Variants in SMTNL1 observed in about 807,000 individuals in gnomAD.
SMTNL1 encodes the protein smoothelin like 1, also known as smoothelin-like protein 1.
A neutral mutation model predicts 46.6 loss-of-function variants in SMTNL1; 41 were observed. The ratio of observed to expected loss-of-function variants is 0.88; its 90% confidence interval spans 0.69 to 1.14. The LOEUF (loss-of-function observed/expected upper bound fraction) is 1.14. Among genes scored for constraint, SMTNL1 ranks in the 50% most tolerant of loss-of-function variants. The probability of loss-of-function intolerance (pLI) is 0.00; values close to 1 mark genes in which losing one functional copy is unlikely to be tolerated. For synonymous variants in SMTNL1, 234 were observed against 234.2 expected (o/e 1.00, Z 0.01); for missense variants, 591 against 626.1 (o/e 0.94, Z 0.60).
Position 57,544,051 on chromosome 11 carries a change from T to C in SMTNL1, c.917+131T>C, listed in dbSNP as rs1944903433. The stretch of plus-strand genomic sequence containing the variant: ...TATTCGAGGATTCCTGGCATTCAGC[T>C]TCCTATCCCAGGGCAGAGCCCAGGA... On this transcript the variant is annotated intron_variant, in intron 4 of 7. Coordinates refer to ENST00000527972, the MANE Select transcript of SMTNL1 (RefSeq NM_001105565.3). 4 of 995,872 alleles carry C rather than the reference T, an allele frequency of 4.0e-6. No homozygotes were observed. The East Asian group carries it at 1.0e-4, about 26-fold the overall frequency. 61.7% of individuals were successfully genotyped at this position (995,872 alleles called of 1,614,324 possible).
In SMTNL1 at chr11:57,546,491, C is replaced by G; in HGVS notation, c.1189-10C>G. On this transcript the variant is annotated splice_polypyrimidine_tract_variant and intron_variant, in intron 6 of 7. Transcript: ENST00000527972. Reference sequence around the variant, plus strand: ...TCACTGAGGCCTCCTCTGTGCCCTGCCTGCCATAGCATGTGGACATCCAGA... The same window carrying G: ...TCACTGAGGCCTCCTCTGTGCCCTGGCTGCCATAGCATGTGGACATCCAGA... 6.2e-7 allele frequency: 1 copy of G among 1,613,988 alleles called. No individual in the cohort carries two copies. The highest frequency in any genetic ancestry group is 2.2e-5 in the East Asian group (1 of 44,890).
rs549636665 is a variant in SMTNL1, at chr11:57,549,355, T to C, written c.1341-613T>C. Among the ~76,000 whole-genome samples, 258 of 152,004 alleles carry C rather than the reference T, an allele frequency of 1.7e-3. 1 individual carries two copies. Among genetic ancestry groups the C allele is most frequent in the Middle Eastern group, 0.01 (3 of 294 alleles). ...TAAATTCTTCCTGAGGGGCCTGGTC[T>C]AACAGAAGCTCCCCGGTTCCAGAGG... On this transcript the variant is annotated intron_variant, in intron 7 of 7. Coordinates refer to ENST00000527972, the MANE Select transcript of SMTNL1 (RefSeq NM_001105565.3).
chr11:57,546,445 T>C, intron 6 of SMTNL1, 56 bp from the exon 7 acceptor site: 1 of 1,606,960 alleles, frequency 6.2e-7, no homozygotes, highest in South Asian at 1.1e-5. Context: ...GGGGGCCAAG[T>C]CCAGGCCATC....
intron 1 of SMTNL1, chr11:57,541,419 G>A (rs1590801250): frequency 1.6e-6 from 2 of 1,268,362 alleles, no homozygotes; most frequent in East Asian, 5.0e-5. Context: ...CTAACCCGGG[G>A]CCCCCACACA....
chr11:57,546,305 C>T lies in SMTNL1; in HGVS notation c.1146C>T (p.Asn382=). 1.9e-6 allele frequency: 3 copies of T among 1,611,508 alleles called. No homozygotes were observed. In the Admixed American group the frequency reaches 5.0e-5, roughly 27 times the overall value. Residue 382 remains asparagine, a synonymous_variant, in exon 6 of 8, where the codon AAC becomes AAT. Coordinates refer to ENST00000527972, the MANE Select transcript of SMTNL1 (RefSeq NM_001105565.3). ...GGGCAGCCATTGGTGGTGTCAAGAA[C>T]ATGCTCTTGGAGTGGTGCCGAGCCA... is the stretch of plus-strand genomic sequence containing the variant. The part of the protein sequence containing the change: ...AAGAAIGGVK[N]MLLEWCRAMT...
rs1478926241 is a variant in SMTNL1, at chr11:57,540,804, G to A, written c.-2-1837G>A. ...CGGCTCACTGCAACCTCCACCTCCC[G>A]GGTTCAAGCAATTCTCCTGCCTCAG... On this transcript the variant is annotated intron_variant, in intron 1 of 7. Coordinates refer to ENST00000527972, the MANE Select transcript of SMTNL1 (RefSeq NM_001105565.3). Among the ~76,000 whole-genome samples the A allele has an allele frequency of 3.3e-5, 5 of 151,176 alleles. No homozygotes were observed. In the Admixed American group the frequency reaches 3.3e-4, roughly 10 times the overall value.
At chr11:57,540,835 C>G (rs1246791179) in intron 1 of SMTNL1, among the ~76,000 whole-genome samples, 2 of 152,096 alleles carry the variant, frequency 1.3e-5, no homozygotes, top group African/African-American at 4.8e-5. Context: ...CTCAGCCTCC[C>G]AAGTAGCTGG....
chr11:57,544,216 C>A (rs1944905089), intron 4 of SMTNL1, among the ~76,000 whole-genome samples: 1 of 152,140 alleles, frequency 6.6e-6, no homozygotes, highest in African/African-American at 2.4e-5. Context: ...CCTGTCTCTA[C>A]CAAAAATACA....
chr11:57,549,905 T>A (rs1490079379), intron 7 of SMTNL1, 63 bp from the exon 8 acceptor site: 3 of 1,582,128 alleles, frequency 1.9e-6, no homozygotes, highest in Admixed American at 1.7e-5. Flanking sequence ...CCTGCACCCA[T>A]CCCCTTGGCT....
At position 57,543,114 on chromosome 11, in the gene SMTNL1, G is replaced by A. The variant is rs1414625527; in HGVS notation, c.472G>A (p.Asp158Asn). 4 of 1,612,636 alleles carry A rather than the reference G, an allele frequency of 2.5e-6. No homozygotes were observed. In the Admixed American group the frequency reaches 6.7e-5, roughly 27 times the overall value. Reference protein sequence around the residue: ...SGQKADANDRDKPEPKATVEE... With the variant: ...SGQKADANDRNKPEPKATVEE... ...GCAGAAAGCCGATGCCAATGACAGA[G>A]ACAAGCCTGAACCTAAGGCAACAGT... Residue 158 changes from aspartate (D) to asparagine (N), a missense_variant, in exon 2 of 8, where the codon GAC becomes AAC. Transcript: ENST00000527972.
intron 1 of SMTNL1, among the ~76,000 whole-genome samples, chr11:57,539,308 G>A (rs1050650660): frequency 2.6e-5 from 4 of 152,228 alleles, no homozygotes; most frequent in African/African-American, 7.2e-5. Context: ...AGTGAGCTAT[G>A]ATTGAGCCAC....
intron 5 of SMTNL1, 53 bp from the exon 6 acceptor site, chr11:57,546,180 C>T: frequency 1.3e-6 from 2 of 1,528,506 alleles, no homozygotes; most frequent in Non-Finnish European, 1.8e-6. Flanking sequence ...CAGTGGGGCC[C>T]TTCATGGCCT....
intron 5 of SMTNL1, 86 bp downstream of exon 5, chr11:57,546,122 G>A (rs1374593236): frequency 6.6e-7 from 1 of 1,522,632 alleles, no homozygotes; most frequent in Non-Finnish European, 8.8e-7. Flanking sequence ...AGTGGGAACA[G>A]CCCAGGCCAA....
At chr11:57,540,657 C>T (rs948384763) in intron 1 of SMTNL1, among the ~76,000 whole-genome samples, 6 of 152,044 alleles carry the variant, frequency 3.9e-5, no homozygotes, top group Non-Finnish European at 7.4e-5. Flanking sequence ...AGCTCCACAA[C>T]TTCACACCTC....
intron 2 of SMTNL1, 122 bp downstream of exon 2, chr11:57,543,496 G>T: frequency 6.6e-7 from 1 of 1,519,320 alleles, no homozygotes; most frequent in Non-Finnish European, 8.8e-7. Flanking sequence ...AGAGCCCAGG[G>T]TGGGGGAGGG....
At chr11:57,545,258 G>A (rs1944912651) in intron 4 of SMTNL1, among the ~76,000 whole-genome samples, 3 of 152,132 alleles carry the variant, frequency 2.0e-5, no homozygotes, top group Admixed American at 2.0e-4. Flanking sequence ...TTTTACAGAT[G>A]AGGAAGCTAA....
chr11:57,550,017 T>C lies in SMTNL1; in HGVS notation c.1390T>C (p.Leu464=), dbSNP rs377529138. 21 of 1,613,892 alleles carry C rather than the reference T, an allele frequency of 1.3e-5. No individual in the cohort carries two copies. Among genetic ancestry groups the C allele is most frequent in the Non-Finnish European group, 1.7e-5 (20 of 1,179,900 alleles). Residue 464 remains leucine, a synonymous_variant, in exon 8 of 8, where the codon TTG becomes CTG. Coordinates refer to ENST00000527972, the MANE Select transcript of SMTNL1 (RefSeq NM_001105565.3). ...QLLDVDDMVR[L]AVPDSKCVYT... is the part of the protein sequence containing the mutation. ...GCTGGACGTGGATGACATGGTGCGGTTGGCTGTGCCCGACTCCAAGTGCGT... is the reference window on the plus strand; with the variant it reads ...GCTGGACGTGGATGACATGGTGCGGCTGGCTGTGCCCGACTCCAAGTGCGT...
Position 57,550,222 on chromosome 11 carries a change from AGGGTGTGT to A in SMTNL1, c.*113_*120del. On this transcript the variant is annotated 3_prime_UTR_variant, in exon 8 of 8. Coordinates refer to ENST00000527972, the MANE Select transcript of SMTNL1 (RefSeq NM_001105565.3). ...GGCACCAGAGCCAGGGGCTTAGGCA[AGGGTGTGT>A]GGCGTTGGTTTTAACTGCATTAAAA... The A allele has an allele frequency of 1.7e-6, 2 of 1,207,296 alleles. No individual in the cohort carries two copies. The highest frequency in any genetic ancestry group is 3.1e-5 in the African/African-American group (2 of 65,098). The allele number at this position is 1,207,296 out of a possible 1,614,324, so 74.8% of individuals were successfully genotyped here.
At chr11:57,541,533 G>A (rs754061633) in intron 1 of SMTNL1, 70 of 1,367,436 alleles carry the variant, frequency 5.1e-5, no homozygotes, top group Non-Finnish European at 6.6e-5. Flanking sequence ...TGGAGAGTCA[G>A]ATTGCTCAGC....
Sources: gnomAD v4.1 joint callset for allele counts (sites outside exome capture counted in the v4.1 genomes callset) on GRCh38, gnomAD v4.1.1 for gene constraint, MANE v1.5 for transcripts, NCBI Gene and HGNC (gene_info 2026-07-23, HGNC 2026-07-21) for gene names.